Variants in WDR82 observed in about 807,000 individuals in gnomAD.
The protein encoded by WDR82 is WD repeat domain 82, also known as WD repeat-containing protein 82.
A neutral mutation model predicts 36.1 loss-of-function variants in WDR82; 8 were observed. The observed-to-expected ratio is 0.22, with a 90% confidence interval of 0.13 to 0.40. The LOEUF (loss-of-function observed/expected upper bound fraction) is 0.40. Among genes scored for constraint, WDR82 ranks in the 10% least tolerant of loss-of-function variants. The pLI, the probability that WDR82 is intolerant of heterozygous loss-of-function variation, is 1.00. For synonymous variants in WDR82, 129 were observed against 137.8 expected (o/e 0.94, Z 0.45); for missense variants, 185 against 400.5 (o/e 0.46, Z 4.59).
chr3:52,264,268 A>C (rs1700086815), intron 3 of WDR82, among the ~76,000 whole-genome samples: 2 of 152,236 alleles, frequency 1.3e-5, no homozygotes, highest in East Asian at 1.9e-4. Context: ...AATGGAGGTA[A>C]ATGAAATCAG....
At position 52,260,415 on chromosome 3, in the gene WDR82, G is replaced by T; in HGVS notation, c.513C>A (p.Val171=). 1 of 1,585,004 alleles carries T rather than the reference G, an allele frequency of 6.3e-7. No individual in the cohort carries two copies. The highest frequency in any genetic ancestry group is 1.2e-5 in the South Asian group (1 of 86,338). Residue 171 remains valine, a synonymous_variant, in exon 5 of 9, where the codon GTC becomes GTA. Transcript: ENST00000296490. ...CAAAAGAACGAAGGTCATAAAGCTT[G>T]ACCATTTCAGAGTTGACACCTGCAG... ...IFAAGVNSEM[V]KLYDLRSFDK...
chr3:52,273,431 T>TAA (rs879916843), intron 1 of WDR82, among the ~76,000 whole-genome samples: 1 of 129,908 alleles, frequency 7.7e-6, no homozygotes, highest in African/African-American at 2.7e-5. Flanking sequence ...AACTCCGTCT[T>TAA]AAAAAAAAAA....
intron 1 of WDR82, among the ~76,000 whole-genome samples, chr3:52,277,910 G>A (rs1469106352): frequency 6.6e-6 from 1 of 152,202 alleles, no homozygotes; most frequent in Admixed American, 6.5e-5. Context: ...GGCGGACCGG[G>A]CGTTTAAAGG....
At position 52,278,443 on chromosome 3, in the gene WDR82, C is replaced by A; in HGVS notation, c.-82G>T. ...GCGGGCGGGCTGCCGAGGGGCCAAC[C>A]CAGGCGGGGCGGGCGCCGCGCCGGC... On this transcript the variant is annotated 5_prime_UTR_variant, in exon 1 of 9. Coordinates refer to ENST00000296490, the MANE Select transcript of WDR82 (RefSeq NM_025222.4). 8.8e-7 allele frequency: 1 copy of A among 1,141,876 alleles called. No individual in the cohort carries two copies. Among genetic ancestry groups the A allele is most frequent in the Admixed American group, 4.7e-5 (1 of 21,252 alleles). The allele number at this position is 1,141,876 out of a possible 1,614,324, so 70.7% of individuals were successfully genotyped here.
chr3:52,267,141 A>C (rs1700112935), intron 2 of WDR82, 123 bp from the exon 3 acceptor site: 1 of 705,390 alleles, frequency 1.4e-6, no homozygotes, highest in Non-Finnish European at 2.4e-6. Flanking sequence ...GCAAGGCATG[A>C]ATAAATAATG....
At chr3:52,258,825 G>C in intron 7 of WDR82, 147 bp from the exon 8 acceptor site, 4 of 1,139,464 alleles carry the variant, frequency 3.5e-6, no homozygotes, top group Non-Finnish European at 4.9e-6. Context: ...GGCAGTGAAG[G>C]AAGGACACTT....
chr3:52,272,335 G>C (rs1424976856), intron 1 of WDR82, among the ~76,000 whole-genome samples: 1 of 152,102 alleles, frequency 6.6e-6, no homozygotes. Flanking sequence ...CCTGAGGTCA[G>C]GAGTTTGAGA....
At position 52,278,418 on chromosome 3, in the gene WDR82, G is replaced by A. The variant is rs569682877; in HGVS notation, c.-57C>T. 71 of 1,237,866 alleles carry A rather than the reference G, an allele frequency of 5.7e-5. No homozygotes were observed. The highest frequency in any genetic ancestry group is 3.1e-4 in the Middle Eastern group (1 of 3,236). The allele number at this position is 1,237,866 out of a possible 1,614,324, so 76.7% of individuals were successfully genotyped here. A position where few individuals can be genotyped will look rare whatever the true frequency, so the allele number is the denominator to read the frequency against. On this transcript the variant is annotated 5_prime_UTR_variant, in exon 1 of 9. Coordinates refer to ENST00000296490, the MANE Select transcript of WDR82 (RefSeq NM_025222.4). ...GGGCCGGGGCGGGGCCCGGCGGCGAGCGGGCGGGCTGCCGAGGGGCCAACC... is the reference window on the plus strand; with the variant it reads ...GGGCCGGGGCGGGGCCCGGCGGCGAACGGGCGGGCTGCCGAGGGGCCAACC...
At chr3:52,269,570 A>C (rs1700135549) in intron 2 of WDR82, among the ~76,000 whole-genome samples, 1 of 151,990 alleles carries the variant, frequency 6.6e-6, no homozygotes, top group Non-Finnish European at 1.5e-5. Context: ...CTCTACTAAA[A>C]ATACAAAAAA....
At chr3:52,266,857 G>A in intron 3 of WDR82, 95 bp downstream of exon 3, 1 of 1,007,618 alleles carries the variant, frequency 9.9e-7, no homozygotes, top group Non-Finnish European at 1.5e-6. Context: ...TGAGGAAGTA[G>A]CTTCAGTTCA....
intron 3 of WDR82, among the ~76,000 whole-genome samples, chr3:52,262,858 G>A (rs1343651019): frequency 6.6e-6 from 1 of 152,220 alleles, no homozygotes; most frequent in Non-Finnish European, 1.5e-5. Flanking sequence ...GCCAGGTGCG[G>A]TGGCTCATGC....
At chr3:52,267,258 T>C (rs1036502216) in intron 2 of WDR82, 3 of 338,096 alleles carry the variant, frequency 8.9e-6, no homozygotes, top group Admixed American at 5.0e-5. Context: ...GAAATGACCT[T>C]TTATTACCAA....
chr3:52,260,391 A>G lies in WDR82; in HGVS notation c.537T>C (p.Phe179=). Residue 179 remains phenylalanine, a synonymous_variant, in exon 5 of 9, where the codon TTT becomes TTC. Transcript: ENST00000296490. ...CAAAGATTCAAAGATTTACCTTATC[A>G]AAAGAACGAAGGTCATAAAGCTTGA... is the stretch of plus-strand genomic sequence containing the variant. ...EMVKLYDLRS[F]DKGPFATFKM... 1.9e-6 allele frequency: 3 copies of G among 1,555,966 alleles called. No homozygotes were observed. Among genetic ancestry groups the G allele is most frequent in the Middle Eastern group, 1.7e-4 (1 of 5,800 alleles).
intron 8 of WDR82, 90 bp downstream of exon 8, chr3:52,258,446 T>C (rs1700031283): frequency 2.7e-6 from 4 of 1,465,344 alleles, no homozygotes; most frequent in African/African-American, 1.4e-5. Flanking sequence ...TGTACCTATG[T>C]AGAACACAGC....
intron 4 of WDR82, among the ~76,000 whole-genome samples, chr3:52,260,993 T>G (rs374374753): frequency 6.6e-6 from 1 of 152,078 alleles, no homozygotes; most frequent in Non-Finnish European, 1.5e-5. Flanking sequence ...GACATGGTGG[T>G]GCATGACTGT....
chr3:52,271,947 G>A (rs1054800233), intron 1 of WDR82, among the ~76,000 whole-genome samples: 5 of 151,984 alleles, frequency 3.3e-5, no homozygotes, highest in Admixed American at 6.6e-5. Flanking sequence ...AAAATTAGCC[G>A]GGTGTGGTGG....
intron 1 of WDR82, 187 bp downstream of exon 1, chr3:52,278,014 C>CTT: frequency 3.8e-5 from 16 of 425,724 alleles, no homozygotes; most frequent in South Asian, 9.7e-5. Flanking sequence ...CTATCGTTAT[C>CTT]TTTTTTTTTT....
intron 2 of WDR82, 83 bp downstream of exon 2, chr3:52,270,629 C>G: frequency 1.9e-6 from 2 of 1,046,810 alleles, no homozygotes; most frequent in Non-Finnish European, 2.8e-6. Flanking sequence ...AAAGTAGTCA[C>G]AAAGCAGAAG....
chr3:52,270,859 A>G, intron 1 of WDR82, 50 bp from the exon 2 acceptor site: 1 of 1,403,662 alleles, frequency 7.1e-7, no homozygotes, highest in African/African-American at 1.4e-5. Flanking sequence ...CATCATCAAA[A>G]TCTGGGATCT....
Sources: allele counts gnomAD v4.1 joint callset (sites outside exome capture counted in the v4.1 genomes callset), GRCh38; gene constraint gnomAD v4.1.1; transcripts MANE v1.5; gene names NCBI Gene and HGNC (gene_info 2026-07-23, HGNC 2026-07-21).